Variants in ITPR1 observed in about 807,000 individuals in gnomAD.
ITPR1 encodes the protein inositol 1,4,5-trisphosphate-gated calcium channel ITPR1.
ITPR1 carries 96 observed loss-of-function variants against 318.4 expected under a neutral mutation model. That is an observed-to-expected ratio of 0.30 (90% CI 0.26 to 0.36). The LOEUF is 0.36. Ranked by LOEUF, ITPR1 falls within the 10% of genes least tolerant of loss-of-function variation. ITPR1 has a pLI of 1.00. For missense variants in ITPR1, 2,440 were observed against 3,460.2 expected (o/e 0.71, Z 7.40); for synonymous variants, 1,312 against 1,289.9 (o/e 1.02, Z -0.37).
intron 4 of ITPR1, among the ~76,000 whole-genome samples, chr3:4,546,947 G>C (rs771101547): frequency 6.6e-6 from 1 of 152,092 alleles, no homozygotes; most frequent in African/African-American, 2.4e-5. Context: ...TTAGGAGCTG[G>C]AGGACTTGAG....
At chr3:4,571,050 A>G (rs1184393745) in intron 4 of ITPR1, among the ~76,000 whole-genome samples, 1 of 152,154 alleles carries the variant, frequency 6.6e-6, no homozygotes, top group Non-Finnish European at 1.5e-5. Context: ...TGTGGCAATG[A>G]CAGTGGCTCT....
chr3:4,576,707 G>T (rs1027347254), intron 4 of ITPR1, among the ~76,000 whole-genome samples: 1 of 152,192 alleles, frequency 6.6e-6, no homozygotes, highest in East Asian at 1.9e-4. Context: ...TTATTTGCAG[G>T]TTCCTTCAGA....
Position 4,508,087 on chromosome 3 carries a change from A to G in ITPR1, c.-16-8389A>G, listed in dbSNP as rs113654546. On this transcript the variant is annotated intron_variant, in intron 2 of 61. Transcript: ENST00000649015. ...GGGGACGAGGCGAGGGGTTGCAGGCAGGCAGGGGATCCAAAGTACCTGACT... is the reference window on the plus strand; with the variant it reads ...GGGGACGAGGCGAGGGGTTGCAGGCGGGCAGGGGATCCAAAGTACCTGACT... Among the ~76,000 whole-genome samples the G allele has an allele frequency of 6.9e-3, 1,054 of 152,296 alleles. 10 individuals are homozygous for G. The highest frequency in any genetic ancestry group is 0.023 in the African/African-American group (975 of 41,558).
Position 4,735,299 on chromosome 3 carries a change from A to G in ITPR1, c.5489A>G (p.His1830Arg). 1 of 1,614,000 alleles carries G rather than the reference A, an allele frequency of 6.2e-7. No individual in the cohort carries two copies. Among genetic ancestry groups the G allele is most frequent in the Non-Finnish European group, 8.5e-7 (1 of 1,179,868 alleles). Residue 1830 changes from histidine to arginine, a missense_variant, in exon 44 of 62, where the codon CAT becomes CGT. Physicochemically the swap from His to Arg is conservative, Grantham distance 29. Transcript: ENST00000649015. ...IMNASSDRVF[H>R]ESILLAIALL... ...AACGCATCCAGTGACCGAGTGTTCC[A>G]TGAAAGCATTCTCCTGGCCATTGCC...
intron 4 of ITPR1, among the ~76,000 whole-genome samples, chr3:4,568,985 G>C (rs921629969): frequency 6.6e-6 from 1 of 151,654 alleles, no homozygotes; most frequent in Non-Finnish European, 1.5e-5. Context: ...AGCAAGAGAA[G>C]AATGGGGAGG....
At chr3:4,636,457 G>A (rs1049331055) in intron 5 of ITPR1, among the ~76,000 whole-genome samples, 3 of 152,098 alleles carry the variant, frequency 2.0e-5, no homozygotes, top group South Asian at 2.1e-4. Flanking sequence ...TTTTGAGATG[G>A]AGTCTCTGTC....
chr3:4,569,001 C>T (rs144706042), intron 4 of ITPR1, among the ~76,000 whole-genome samples: 166 of 152,214 alleles, frequency 1.1e-3, no homozygotes, highest in Non-Finnish European at 2.0e-3. Context: ...GGAGGGGTCA[C>T]ACGCTCTTAA....
At chr3:4,815,310 T>C in intron 59 of ITPR1, 92 bp downstream of exon 59, 1 of 1,141,934 alleles carries the variant, frequency 8.8e-7, no homozygotes, top group Non-Finnish European at 1.3e-6. Flanking sequence ...GCGGGGTGCC[T>C]GCCCAGTTAT....
At chr3:4,702,797 G>A in intron 35 of ITPR1, 33 bp from the exon 36 acceptor site, 1 of 1,607,018 alleles carries the variant, frequency 6.2e-7, no homozygotes, top group Non-Finnish European at 8.5e-7. Flanking sequence ...ATAAAAATCT[G>A]TTTTTCACGT....
chr3:4,801,832 G>A (rs929251675), intron 54 of ITPR1, among the ~76,000 whole-genome samples: 1 of 152,192 alleles, frequency 6.6e-6, no homozygotes, highest in South Asian at 2.1e-4. Context: ...ATCTGGCCAT[G>A]AAGCGGGGAT....
chr3:4,664,386 C>T (rs1242088038), intron 16 of ITPR1, among the ~76,000 whole-genome samples: 1 of 152,138 alleles, frequency 6.6e-6, no homozygotes, highest in Non-Finnish European at 1.5e-5. Context: ...GGAGATTAGC[C>T]CACAAACTTG....
intron 42 of ITPR1, among the ~76,000 whole-genome samples, chr3:4,728,289 A>G (rs890945122): frequency 6.6e-6 from 1 of 152,212 alleles, no homozygotes; most frequent in Non-Finnish European, 1.5e-5. Context: ...TGGGAAGATA[A>G]CCAGATGTCC....
intron 42 of ITPR1, among the ~76,000 whole-genome samples, chr3:4,727,984 AC>A (rs1170199761): frequency 3.9e-5 from 6 of 152,154 alleles, no homozygotes; most frequent in African/African-American, 1.4e-4. Flanking sequence ...TAGGTATACA[AC>A]TTTTGTACCC....
rs750110220 is a variant in ITPR1, at chr3:4,779,661, G to T, written c.6387+16G>T. Reference sequence around the variant, plus strand: ...CAAGGAACTGGTGAGTCGGGTGACGGATCTGATGGTAGCACCAAGGAGCAT... The same window carrying T: ...CAAGGAACTGGTGAGTCGGGTGACGTATCTGATGGTAGCACCAAGGAGCAT... On this transcript the variant is annotated intron_variant, in intron 49 of 61. Transcript: ENST00000649015. This position sits in a 1 kb window ranked among gnomAD's most constrained non-coding sequence, Gnocchi z 4.0. The T allele has an allele frequency of 1.3e-6, 2 of 1,545,682 alleles. No homozygotes were observed. The highest frequency in any genetic ancestry group is 1.4e-5 in the African/African-American group (1 of 73,448).
At chr3:4,731,444 A>G (rs923209421) in intron 42 of ITPR1, among the ~76,000 whole-genome samples, 2 of 152,222 alleles carry the variant, frequency 1.3e-5, no homozygotes, top group African/African-American at 4.8e-5. Context: ...CAGTCAGTCC[A>G]GTGGGAAATG....
chr3:4,679,940 C>T (rs3804987), intron 24 of ITPR1, among the ~76,000 whole-genome samples: 21,759 of 152,016 alleles, frequency 0.14, 1,844 homozygotes, highest in Middle Eastern at 0.24. Flanking sequence ...GAAGGAAGAA[C>T]GTGAGTGAGA....
chr3:4,822,545 T>C (rs2049798400), intron 60 of ITPR1, among the ~76,000 whole-genome samples: 2 of 152,366 alleles, frequency 1.3e-5, no homozygotes, highest in Admixed American at 6.5e-5. Context: ...TATCCATGTC[T>C]TTAGTGGTTT....
intron 31 of ITPR1, 35 bp downstream of exon 31, chr3:4,688,655 G>A (rs1235961797): frequency 1.9e-6 from 3 of 1,599,022 alleles, no homozygotes; most frequent in South Asian, 2.2e-5. Flanking sequence ...ATCTATAGAG[G>A]GAGGAGGGCA....
intron 10 of ITPR1, among the ~76,000 whole-genome samples, chr3:4,648,434 T>C (rs1168241090): frequency 6.6e-6 from 1 of 152,200 alleles, no homozygotes. Context: ...CTTTAACATC[T>C]ATAAAAAGGT....
Sources: allele counts gnomAD v4.1 joint callset (sites outside exome capture counted in the v4.1 genomes callset), GRCh38; gene constraint gnomAD v4.1.1; non-coding constraint Gnocchi (gnomAD v3.1); transcripts MANE v1.5; gene names NCBI Gene and HGNC (gene_info 2026-07-23, HGNC 2026-07-21).